SLC13A1: variants seen among roughly 807,000 people sequenced by gnomAD.
SLC13A1 encodes Na(+)/sulfate cotransporter.
SLC13A1 carries 65 observed loss-of-function variants against 70.0 expected under a neutral mutation model. That is an observed-to-expected ratio of 0.93 (90% confidence interval 0.76 to 1.14). The LOEUF (loss-of-function observed/expected upper bound fraction) is 1.14. SLC13A1 is among the 50% of genes most tolerant of loss of function. SLC13A1 has a pLI of 0.00. For missense variants in SLC13A1, 726 were observed against 717.8 expected (o/e 1.01, Z -0.13); for synonymous variants, 275 against 250.5 (o/e 1.10, Z -0.92).
chr7:123,176,819 A>C (rs942864132), intron 2 of SLC13A1, among the ~76,000 whole-genome samples: 2 of 151,998 alleles, frequency 1.3e-5, no homozygotes, highest in Non-Finnish European at 2.9e-5. Context: ...TTTTCTTCTT[A>C]GTCTCTTTGG....
chr7:123,120,074 G>A (rs932062374), intron 12 of SLC13A1, among the ~76,000 whole-genome samples: 1 of 151,996 alleles, frequency 6.6e-6, no homozygotes, highest in African/African-American at 2.4e-5. Flanking sequence ...TTCCCTCACA[G>A]AAATATCTAT....
chr7:123,148,496 G>A (rs754577448), intron 6 of SLC13A1: 4 of 452,988 alleles, frequency 8.8e-6, no homozygotes, highest in African/African-American at 8.0e-5. Context: ...TTTCTAGGGT[G>A]TAAGCCAAAA....
chr7:123,147,873 CT>C (rs1794417882), intron 6 of SLC13A1, among the ~76,000 whole-genome samples: 1 of 152,098 alleles, frequency 6.6e-6, no homozygotes, highest in Admixed American at 6.5e-5. Context: ...TCCCCCATGT[CT>C]TTCCTTCTCA....
intron 6 of SLC13A1, among the ~76,000 whole-genome samples, chr7:123,157,673 T>C (rs891387917): frequency 2.0e-5 from 3 of 152,160 alleles, no homozygotes; most frequent in African/African-American, 7.2e-5. Context: ...CATATTTTTC[T>C]ATCCAGCAGC....
chr7:123,157,076 G>A (rs1794737511), intron 6 of SLC13A1, among the ~76,000 whole-genome samples: 1 of 152,004 alleles, frequency 6.6e-6, no homozygotes, highest in African/African-American at 2.4e-5. Flanking sequence ...GTTTTCCTGT[G>A]TTTCTGCTTT....
At chr7:123,194,666 AGAGGAGAAGATGAG>A (rs765568211) in intron 1 of SLC13A1, among the ~76,000 whole-genome samples, 2 of 152,048 alleles carry the variant, frequency 1.3e-5, no homozygotes, top group Non-Finnish European at 2.9e-5. Flanking sequence ...GAAAGGAAAG[AGAGGAGAAGATGAG>A]GTTGAGAGGG....
At chr7:123,163,648 G>A (rs1437538206) in intron 6 of SLC13A1, among the ~76,000 whole-genome samples, 3 of 151,846 alleles carry the variant, frequency 2.0e-5, no homozygotes, top group Non-Finnish European at 4.4e-5. Flanking sequence ...ACATTTTTTT[G>A]TCTTTCTACC....
rs561510810 is a variant in SLC13A1, at chr7:123,181,541, A to AAG, written c.100-442_100-441dup. 4.7e-3 allele frequency among the ~76,000 whole-genome samples: 712 copies of AAG among 152,218 alleles called. 5 individuals are homozygous for AAG. The highest frequency in any genetic ancestry group is 0.016 in the African/African-American group (671 of 41,544). On this transcript the variant is annotated intron_variant, in intron 1 of 14. Transcript: ENST00000194130. ...CTTGGTGCCTGGTTGAGTGGGACCT[A>AAG]AGCACTCCTGCCTTCCTCTCCTTCT...
At chr7:123,143,340 CAG>C (rs1018435486) in intron 7 of SLC13A1, among the ~76,000 whole-genome samples, 6 of 152,114 alleles carry the variant, frequency 3.9e-5, no homozygotes, top group African/African-American at 9.7e-5. Flanking sequence ...GACTTCCTTT[CAG>C]AGTTATTTTT....
chr7:123,137,174 T>C (rs977037521), intron 7 of SLC13A1, among the ~76,000 whole-genome samples: 5 of 150,228 alleles, frequency 3.3e-5, no homozygotes, highest in African/African-American at 9.7e-5. Context: ...ATTCTCAGGA[T>C]TGAAGGCAAC....
chr7:123,166,176 C>T (rs1401369013), intron 6 of SLC13A1, among the ~76,000 whole-genome samples: 1 of 151,970 alleles, frequency 6.6e-6, no homozygotes, highest in Non-Finnish European at 1.5e-5. Flanking sequence ...CTCTGAGCTG[C>T]TTACAATAAG....
At chr7:123,189,923 T>C (rs1795942133) in intron 1 of SLC13A1, among the ~76,000 whole-genome samples, 1 of 152,022 alleles carries the variant, frequency 6.6e-6, no homozygotes, top group African/African-American at 2.4e-5. Context: ...TGAGAGCTCA[T>C]CTTTTTTAAA....
rs529039220 is a variant in SLC13A1, at chr7:123,133,663, G to A, written c.932+747C>T. ...AGCAATTCTCCTTCCTCGGCCTCCT[G>A]AGTAGCTGGGACTACCCGCCACACC... On this transcript the variant is annotated intron_variant, in intron 8 of 14. Transcript: ENST00000194130. Among the ~76,000 whole-genome samples the A allele has an allele frequency of 1.6e-3, 247 of 151,768 alleles. 1 individual carries two copies. The highest frequency in any genetic ancestry group is 2.8e-3 in the Non-Finnish European group (189 of 67,870).
intron 1 of SLC13A1, among the ~76,000 whole-genome samples, chr7:123,186,067 A>T (rs1329366445): frequency 1.3e-5 from 2 of 152,080 alleles, no homozygotes; most frequent in African/African-American, 4.8e-5. Flanking sequence ...GTCCTTAGGC[A>T]TTAAATAGCA....
intron 2 of SLC13A1, 47 bp downstream of exon 2, chr7:123,180,926 C>A: frequency 6.4e-7 from 1 of 1,564,958 alleles, no homozygotes; most frequent in South Asian, 1.2e-5. Flanking sequence ...ATGGAAATCT[C>A]AATACAAAAC....
chr7:123,193,189 C>T (rs534174266), intron 1 of SLC13A1, among the ~76,000 whole-genome samples: 18 of 152,246 alleles, frequency 1.2e-4, no homozygotes, highest in South Asian at 2.1e-4. Flanking sequence ...GTTCAACGTG[C>T]AGCATCCTAC....
chr7:123,159,487 C>G (rs969625945), intron 6 of SLC13A1, among the ~76,000 whole-genome samples: 19 of 152,222 alleles, frequency 1.2e-4, no homozygotes, highest in African/African-American at 4.1e-4. Flanking sequence ...AGAAACCGAC[C>G]CAGATAACAC....
At chr7:123,176,023 G>A (rs1321930185) in intron 2 of SLC13A1, among the ~76,000 whole-genome samples, 1 of 152,130 alleles carries the variant, frequency 6.6e-6, no homozygotes, top group Non-Finnish European at 1.5e-5. Context: ...AATAGCCAAA[G>A]GCAATATGTC....
At chr7:123,122,529 G>A (rs1399420467) in intron 12 of SLC13A1, among the ~76,000 whole-genome samples, 1 of 152,068 alleles carries the variant, frequency 6.6e-6, no homozygotes, top group African/African-American at 2.4e-5. Context: ...ATATCAACTG[G>A]ACAGACAGGT....
Sources: allele counts gnomAD v4.1 joint callset (sites outside exome capture counted in the v4.1 genomes callset), GRCh38; gene constraint gnomAD v4.1.1; transcripts MANE v1.5; gene names NCBI Gene and HGNC (gene_info 2026-07-23, HGNC 2026-07-21).